ECD: variants seen among roughly 807,000 people sequenced by gnomAD.
ECD encodes ecdysoneless cell cycle regulator, also known as protein ecdysoneless homolog.
ECD carries 59 observed loss-of-function variants against 77.2 expected under a neutral mutation model. The ratio of observed to expected loss-of-function variants is 0.76; its 90% confidence interval spans 0.62 to 0.95. ECD has a LOEUF of 0.95. Ranked by LOEUF, ECD falls within the 40% of genes least tolerant of loss-of-function variation. The pLI is 0.00. For synonymous variants in ECD, 233 were observed against 267.4 expected, an observed-to-expected ratio of 0.87 and a Z score of 1.26; for missense variants, 704 against 763.4, an observed-to-expected ratio of 0.92 and a Z score of 0.92.
chr10:73,163,729 T>C lies in ECD; in HGVS notation c.205+4A>G, dbSNP rs1298263088. Reference sequence around the variant, plus strand: ...ACTAATCCAAACAAGTAAAAGAGCCTTACCTTTCCCAGGTTTATATTTAAG... The same window carrying C: ...ACTAATCCAAACAAGTAAAAGAGCCCTACCTTTCCCAGGTTTATATTTAAG... On this transcript the variant is annotated splice_donor_region_variant and intron_variant, in intron 2 of 13. Transcript: ENST00000372979. 4 of 1,613,664 alleles carry C rather than the reference T, an allele frequency of 2.5e-6. No homozygotes were observed. Among genetic ancestry groups the C allele is most frequent in the Non-Finnish European group, 3.4e-6 (4 of 1,179,920 alleles).
In ECD at chr10:73,134,477, T is replaced by C. The variant is rs1259383784; in HGVS notation, c.*106A>G. On this transcript the variant is annotated 3_prime_UTR_variant, in exon 14 of 14. Transcript: ENST00000372979. ...TCATGGAGAAGTCAATCTGTAAAAC[T>C]TGTAATGAAGAAACATTTTTACTAA... is the stretch of plus-strand genomic sequence containing the variant. The C allele has an allele frequency of 5.3e-6, 6 of 1,125,120 alleles. No homozygotes were observed. The highest frequency in any genetic ancestry group is 2.6e-5 in the Admixed American group (1 of 38,378). The allele number at this position is 1,125,120 out of a possible 1,614,324, so 69.7% of individuals were successfully genotyped here. A position where few individuals can be genotyped will look rare whatever the true frequency, so the allele number is the denominator to read the frequency against.
intron 13 of ECD, 121 bp from the exon 14 acceptor site, chr10:73,134,934 C>G: frequency 1.2e-6 from 1 of 826,800 alleles, no homozygotes; most frequent in African/African-American, 1.7e-5. Context: ...AAGGAAACTT[C>G]TTATCCTTGG....
rs369177164 is a variant in ECD at position 73,139,694 on chromosome 10, G to T, written c.1171C>A (p.Gln391Lys). 6.2e-7 allele frequency: 1 copy of T among 1,610,092 alleles called. No individual in the cohort carries two copies. Among genetic ancestry groups the T allele is most frequent in the Non-Finnish European group, 8.5e-7 (1 of 1,179,078 alleles). Residue 391 changes from glutamine to lysine, a missense_variant, in exon 10 of 14, where the codon CAG (glutamine) becomes AAG (lysine). Coordinates refer to ENST00000372979, the MANE Select transcript of ECD (RefSeq NM_007265.3). Reference sequence around the variant, plus strand: ...TCTTCTATATCAAATGGTATTGTCTGTAATAAGGTTAAGATTTCTTCACCA... The same window carrying T: ...TCTTCTATATCAAATGGTATTGTCTTTAATAAGGTTAAGATTTCTTCACCA... Reference protein sequence around the residue: ...SPGEEILTLLQTIPFDIEDLK... With the variant: ...SPGEEILTLLKTIPFDIEDLK...
At position 73,134,604 on chromosome 10, in the gene ECD, T is replaced by C. The variant is rs768735452; in HGVS notation, c.1914A>G (p.Thr638=). The C allele has an allele frequency of 6.2e-7, 1 of 1,613,828 alleles. No homozygotes were observed. Among genetic ancestry groups the C allele is most frequent in the African/African-American group, 1.3e-5 (1 of 74,934 alleles). ...QLPDNTDHRP[T]SKPTKN ...CTGGTTAATTTTTTGTTGGCTTACT[T>C]GTTGGTCTGTGATCGGTGTTGTCAG... is the stretch of plus-strand genomic sequence containing the variant. The change falls in exon 14 of 14, where the codon ACA becomes ACG. Residue 638 remains threonine, a synonymous_variant. Coordinates refer to ENST00000372979, the MANE Select transcript of ECD (RefSeq NM_007265.3).
At chr10:73,150,271 GGAAAC>G (rs1465228057) in intron 7 of ECD, among the ~76,000 whole-genome samples, 1 of 152,082 alleles carries the variant, frequency 6.6e-6, no homozygotes, top group East Asian at 1.9e-4. Flanking sequence ...CAAGAAATGG[GGAAAC>G]GATTCCCTAT....
intron 9 of ECD, among the ~76,000 whole-genome samples, chr10:73,145,219 C>T (rs1843107766): frequency 1.3e-5 from 2 of 151,974 alleles, no homozygotes; most frequent in Non-Finnish European, 1.5e-5. Context: ...CAAAAATTAG[C>T]CAGACCTGGT....
intron 6 of ECD, among the ~76,000 whole-genome samples, chr10:73,153,176 C>G (rs899005573): frequency 3.3e-5 from 5 of 151,896 alleles, no homozygotes. Context: ...CCTTGGCCTC[C>G]CAAACCTCCT....
At chr10:73,147,109 T>C (rs1843140338) in intron 8 of ECD, among the ~76,000 whole-genome samples, 1 of 145,122 alleles carries the variant, frequency 6.9e-6, no homozygotes, top group African/African-American at 2.7e-5. Context: ...AGCCAGGCAA[T>C]GGTGGCACAT....
rs1482905249 is a variant in ECD at position 73,167,988 on chromosome 10, G to A, written c.-136C>T. 1 of 299,044 alleles carries A rather than the reference G, an allele frequency of 3.3e-6. No homozygotes were observed. Among genetic ancestry groups the A allele is most frequent in the Non-Finnish European group, 6.2e-6 (1 of 160,022 alleles). The allele number at this position is 299,044 out of a possible 1,614,324, so 18.5% of individuals were successfully genotyped here. The stretch of plus-strand genomic sequence containing the variant: ...AGCCTGGATCAGGCTCTGTCCCGAC[G>A]CCTGACCGGAACCTGAAGCCAGCGG... On this transcript the variant is annotated 5_prime_UTR_variant, in exon 1 of 14. Coordinates refer to ENST00000372979, the MANE Select transcript of ECD (RefSeq NM_007265.3).
At chr10:73,163,116 T>C (rs570134399) in intron 2 of ECD, among the ~76,000 whole-genome samples, 1 of 152,334 alleles carries the variant, frequency 6.6e-6, no homozygotes, top group South Asian at 2.1e-4. Flanking sequence ...AGTCATTCTT[T>C]GGTCTCTCCG....
At chr10:73,138,799 T>A (rs1336046106) in intron 11 of ECD, among the ~76,000 whole-genome samples, 2 of 152,220 alleles carry the variant, frequency 1.3e-5, no homozygotes, top group African/African-American at 2.4e-5. Context: ...ACTCCTGACT[T>A]CGTGATCTGC....
intron 9 of ECD, among the ~76,000 whole-genome samples, chr10:73,144,156 T>C (rs1307591126): frequency 6.6e-6 from 1 of 152,216 alleles, no homozygotes; most frequent in Non-Finnish European, 1.5e-5. Context: ...TCATCTCTGG[T>C]TAACTACTAG....
chr10:73,147,550 CA>C (rs879860653), intron 8 of ECD, among the ~76,000 whole-genome samples: 235 of 136,646 alleles, frequency 1.7e-3, no homozygotes, highest in Middle Eastern at 7.6e-3. Context: ...AACTCCATCT[CA>C]AAAAAAAAAA....
chr10:73,137,260 T>C (rs996864613), intron 12 of ECD, among the ~76,000 whole-genome samples: 1 of 152,158 alleles, frequency 6.6e-6, no homozygotes, highest in Non-Finnish European at 1.5e-5. Flanking sequence ...ATACAAGTAT[T>C]GTCTCCAATC....
At chr10:73,139,844 G>T in intron 9 of ECD, 107 bp from the exon 10 acceptor site, 1 of 725,462 alleles carries the variant, frequency 1.4e-6, no homozygotes, top group Non-Finnish European at 2.1e-6. Flanking sequence ...TCTAATTTGG[G>T]GAGTGTTTTT....
chr10:73,152,546 A>AATCTTC, intron 6 of ECD, 125 bp from the exon 7 acceptor site: 1 of 1,083,922 alleles, frequency 9.2e-7, no homozygotes, highest in Non-Finnish European at 1.3e-6. Context: ...TGCAAAGAAG[A>AATCTTC]TTCAACCTAT....
Position 73,159,274 on chromosome 10 carries a change from G to T in ECD, c.323+1160C>A, listed in dbSNP as rs142127159. Among the ~76,000 whole-genome samples, 261 of 152,310 alleles carry T rather than the reference G, an allele frequency of 1.7e-3. 2 individuals are homozygous for T. The highest frequency in any genetic ancestry group is 2.6e-3 in the Non-Finnish European group (179 of 68,024). Reference sequence around the variant, plus strand: ...TACGTGGTTAATTACAGAAAACCCAGGTCCCATTTTTAACGTAATGTTACC... The same window carrying T: ...TACGTGGTTAATTACAGAAAACCCATGTCCCATTTTTAACGTAATGTTACC... On this transcript the variant is annotated intron_variant, in intron 3 of 13. Transcript: ENST00000372979.
At chr10:73,155,106 T>C (rs1190031485) in intron 5 of ECD, among the ~76,000 whole-genome samples, 1 of 152,114 alleles carries the variant, frequency 6.6e-6, no homozygotes, top group African/African-American at 2.4e-5. Context: ...TGGAGTGCAG[T>C]GGTGCAACCT....
intron 2 of ECD, among the ~76,000 whole-genome samples, chr10:73,163,460 T>C (rs79980313): frequency 0.02 from 3,011 of 152,306 alleles, 87 homozygotes; most frequent in African/African-American, 0.069. Flanking sequence ...TATGGCATAG[T>C]GTAGTAACTA....
Sources: gnomAD v4.1 joint callset for allele counts (sites outside exome capture counted in the v4.1 genomes callset) on GRCh38, gnomAD v4.1.1 for gene constraint, MANE v1.5 for transcripts, NCBI Gene and HGNC (gene_info 2026-07-23, HGNC 2026-07-21) for gene names.